The following SLC28A3 variants were observed in gnomAD, a reference collection of about 807,000 sequenced individuals.
SLC28A3 encodes the protein concentrative Na(+)-nucleoside cotransporter 3.
In SLC28A3, 68 loss-of-function variants were observed where a neutral mutation model predicts 84.2. The observed-to-expected ratio is 0.81, with a 90% CI of 0.66 to 0.99. The LOEUF is 0.99. Among genes scored for constraint, SLC28A3 ranks in the 50% least tolerant of loss-of-function variants. The pLI is 0.00. For synonymous variants in SLC28A3, 267 were observed against 303.6 expected (o/e 0.88, Z 1.25); for missense variants, 712 against 841.5 (o/e 0.85, Z 1.90).
At chr9:84,286,799 C>T (rs79131938) in intron 12 of SLC28A3, among the ~76,000 whole-genome samples, 1,754 of 152,218 alleles carry the variant, frequency 0.012, 39 homozygotes, top group African/African-American at 0.04. Context: ...CCCCTGTGTA[C>T]TCTTCTTTGA....
chr9:84,280,191 T>C, intron 15 of SLC28A3, 118 bp from the exon 16 acceptor site: 5 of 747,264 alleles, frequency 6.7e-6, no homozygotes, highest in Non-Finnish European at 6.3e-6. Flanking sequence ...TTTTTTTTCT[T>C]TAACTTAGCT....
At chr9:84,322,327 G>C (rs1455097088) in intron 1 of SLC28A3, among the ~76,000 whole-genome samples, 1 of 152,210 alleles carries the variant, frequency 6.6e-6, no homozygotes, top group Non-Finnish European at 1.5e-5. Flanking sequence ...GGAACATCTT[G>C]AATAGCCCCT....
At chr9:84,360,736 A>G in the SLC28A3 span, among the ~76,000 whole-genome samples, 5 of 151,236 alleles carry the variant, frequency 3.3e-5, no homozygotes, top group South Asian at 4.2e-4. Flanking sequence ...TGGGCAACAT[A>G]GTGAGACCTT....
At position 84,275,962 on chromosome 9, in the gene SLC28A3, CTTATAAT is replaced by C. The variant is rs971943835; in HGVS notation, c.*2249_*2255del. The C allele has an allele frequency of 5.3e-5, 8 of 152,128 alleles. No homozygotes were observed. The highest frequency in any genetic ancestry group is 1.4e-4 in the African/African-American group (6 of 41,406). 9.4% of individuals were successfully genotyped at this position (152,128 alleles called of 1,614,324 possible). ...ATTTCTCCAAAAACCAGTCTGACAT[CTTATAAT>C]ACCAGAAATATACACACACTTCAAA... On this transcript the variant is annotated 3_prime_UTR_variant, in exon 18 of 18. Coordinates refer to ENST00000376238, the MANE Select transcript of SLC28A3 (RefSeq NM_001199633.2).
At chr9:84,320,040 G>GTTTTTTGTTTTTTTTTTTT (rs1826311957) in intron 1 of SLC28A3, among the ~76,000 whole-genome samples, 1 of 59,566 alleles carries the variant, frequency 1.7e-5, no homozygotes, top group Non-Finnish European at 3.0e-5. Context: ...GGCTTGCACT[G>GTTTTTTGTTTTTTTTTTTT]TTTTTTTTTT....
upstream of SLC28A3, among the ~76,000 whole-genome samples, chr9:84,342,340 G>A (rs1479926906): frequency 6.6e-6 from 1 of 151,750 alleles, no homozygotes; most frequent in Non-Finnish European, 1.5e-5. Context: ...TGTAAGTATA[G>A]AGTTTATTTG....
intron 14 of SLC28A3, among the ~76,000 whole-genome samples, chr9:84,284,822 C>T (rs1285781731): frequency 1.3e-5 from 2 of 152,198 alleles, no homozygotes; most frequent in African/African-American, 4.8e-5. Context: ...CCCTCATCCA[C>T]GTGGAGAGCA....
rs902728341 is a variant in SLC28A3, at chr9:84,277,598, G to C, written c.*620C>G. On this transcript the variant is annotated 3_prime_UTR_variant, in exon 18 of 18. Transcript: ENST00000376238. ...TTTTTGGGTTGTTTGTTTCTGTAGC[G>C]TAATTTATGGTTAAACTGACTGATA... The C allele has an allele frequency of 6.6e-6, 1 of 152,152 alleles. No individual in the cohort carries two copies. The highest frequency in any genetic ancestry group is 6.5e-5 in the Admixed American group (1 of 15,282). 9.4% of individuals were successfully genotyped at this position (152,152 alleles called of 1,614,324 possible).
Position 84,286,050 on chromosome 9 carries a change from C to T in SLC28A3, c.1342G>A (p.Ala448Thr), listed in dbSNP as rs2118103102. 1.2e-6 allele frequency: 2 copies of T among 1,614,090 alleles called. No homozygotes were observed. Among genetic ancestry groups the T allele is most frequent in the East Asian group, 2.2e-5 (1 of 44,872 alleles). Residue 448 changes from alanine (A) to threonine (T), a missense_variant, in exon 13 of 18, where the codon GCC becomes ACC. Ala to Thr is a moderately conservative substitution (Grantham distance 58). Coordinates refer to ENST00000376238, the MANE Select transcript of SLC28A3 (RefSeq NM_001199633.2). ...QGASSSISLV[A>T]NIAVNLIAFL... ...GCAATCAGATTCACAGCGATGTTGGCCACCAGGGAGATGGAGGAGGATGCT... is the reference window on the plus strand; with the variant it reads ...GCAATCAGATTCACAGCGATGTTGGTCACCAGGGAGATGGAGGAGGATGCT...
chr9:84,290,212 A>T lies in SLC28A3; in HGVS notation c.1091T>A (p.Met364Lys), dbSNP rs754723936. The T allele has an allele frequency of 2.5e-6, 4 of 1,614,174 alleles. No homozygotes were observed. The highest frequency in any genetic ancestry group is 3.4e-6 in the Non-Finnish European group (4 of 1,179,998). ...YITKSELHAI[M>K]TAGFSTIAGS... is the part of the protein sequence containing the mutation. ...AGCAATGGTAGAGAACCCGGCGGTCATGATGGCGTGGAGTTCAGACTTGGT... is the reference window on the plus strand; with the variant it reads ...AGCAATGGTAGAGAACCCGGCGGTCTTGATGGCGTGGAGTTCAGACTTGGT... The change falls in exon 11 of 18, where the codon ATG becomes AAG. Residue 364 changes from methionine (M) to lysine (K), a missense_variant. Met to Lys is a moderately conservative substitution (Grantham distance 95). Transcript: ENST00000376238.
chr9:84,343,188 AAAAAACAAAAGAC>A (rs1178255011), upstream of SLC28A3, among the ~76,000 whole-genome samples: 1 of 151,906 alleles, frequency 6.6e-6, no homozygotes, highest in Admixed American at 6.6e-5. Context: ...CATCTCAAAA[AAAAAACAAAAGAC>A]AAAAAACAAA....
At chr9:84,332,400 A>G (rs940501042) in intron 1 of SLC28A3, among the ~76,000 whole-genome samples, 3 of 152,226 alleles carry the variant, frequency 2.0e-5, no homozygotes, top group African/African-American at 7.2e-5. Flanking sequence ...CATTGCTAAA[A>G]GAGTTAAAAG....
intron 3 of SLC28A3, among the ~76,000 whole-genome samples, chr9:84,308,984 C>T (rs1825890950): frequency 2.6e-5 from 4 of 152,136 alleles, no homozygotes; most frequent in African/African-American, 9.7e-5. Flanking sequence ...TATTGATTGA[C>T]ATTGAGAAGA....
chr9:84,327,937 A>AAAAG (rs1284702783), intron 1 of SLC28A3, among the ~76,000 whole-genome samples: 7 of 150,916 alleles, frequency 4.6e-5, no homozygotes, highest in African/African-American at 1.7e-4. Context: ...AAAAAAAAAA[A>AAAAG]AAAAAGAAAG....
intron 10 of SLC28A3, among the ~76,000 whole-genome samples, chr9:84,291,736 A>G (rs185017859): frequency 2.6e-3 from 394 of 152,276 alleles, no homozygotes; most frequent in African/African-American, 8.5e-3. Context: ...ATTTGGGGCT[A>G]TGTGTTTTTC....
At chr9:84,345,289 A>T (rs1000982553), upstream of SLC28A3, among the ~76,000 whole-genome samples, 6 of 152,176 alleles carry the variant, frequency 3.9e-5, no homozygotes, top group African/African-American at 1.4e-4. Context: ...AGATAAATAG[A>T]CAGCAAATAT....
the SLC28A3 span, among the ~76,000 whole-genome samples, chr9:84,359,451 C>T: frequency 1.5e-4 from 23 of 151,964 alleles, no homozygotes; most frequent in African/African-American, 4.6e-4. Flanking sequence ...ATTCATACCA[C>T]GAGGGAGTAA....
At chr9:84,363,204 C>T in the SLC28A3 span, among the ~76,000 whole-genome samples, 2 of 152,040 alleles carry the variant, frequency 1.3e-5, no homozygotes, top group East Asian at 3.8e-4. Flanking sequence ...AACAAGGGTC[C>T]CTAGGACTAA....
Position 84,293,585 on chromosome 9 carries a change from G to C in SLC28A3, c.942+610C>G, listed in dbSNP as rs185184194. Among the ~76,000 whole-genome samples, 167 of 152,312 alleles carry C rather than the reference G, an allele frequency of 1.1e-3. 1 individual carries two copies. The highest frequency in any genetic ancestry group is 3.6e-3 in the African/African-American group (148 of 41,568). Reference sequence around the variant, plus strand: ...GCTCGTGTGTGGTGCATCCAAATTAGCTGACGGAGCTCCTTGTCCTCTGAT... The same window carrying C: ...GCTCGTGTGTGGTGCATCCAAATTACCTGACGGAGCTCCTTGTCCTCTGAT... On this transcript the variant is annotated intron_variant, in intron 9 of 17. Transcript: ENST00000376238.
Sources: allele counts gnomAD v4.1 joint callset (sites outside exome capture counted in the v4.1 genomes callset), GRCh38; gene constraint gnomAD v4.1.1; transcripts MANE v1.5; gene names NCBI Gene and HGNC (gene_info 2026-07-23, HGNC 2026-07-21).